The following CNTNAP5 variants were observed in gnomAD, a reference collection of about 807,000 sequenced individuals.
CNTNAP5 encodes the protein contactin associated protein family member 5.
A neutral mutation model predicts 150.2 loss-of-function variants in CNTNAP5; 72 were observed. The ratio of observed to expected loss-of-function variants is 0.48; its 90% CI spans 0.40 to 0.58. The LOEUF (loss-of-function observed/expected upper bound fraction) is 0.58. Ranked by LOEUF, CNTNAP5 falls within the 20% of genes least tolerant of loss-of-function variation. The pLI, the probability that CNTNAP5 is intolerant of heterozygous loss-of-function variation, is 0.00. For synonymous variants in CNTNAP5, 672 were observed against 619.8 expected, an observed-to-expected ratio of 1.08 and a Z score of -1.25; for missense variants, 1,636 against 1,626.2, an observed-to-expected ratio of 1.01 and a Z score of -0.10.
At chr2:124,546,056 G>T (rs906916608) in intron 10 of CNTNAP5, among the ~76,000 whole-genome samples, 4 of 152,072 alleles carry the variant, frequency 2.6e-5, no homozygotes, top group Non-Finnish European at 5.9e-5. Context: ...CAATCCCAGA[G>T]ATTCTGATTA....
In CNTNAP5 at chr2:124,233,466, C is replaced by G. The variant is rs1039181243; in HGVS notation, c.188-8734C>G. 5.3e-5 allele frequency among the ~76,000 whole-genome samples: 8 copies of G among 152,232 alleles called. No homozygotes were observed. The East Asian group carries it at 1.4e-3, about 26-fold the overall frequency. On this transcript the variant is annotated intron_variant, in intron 2 of 23. Coordinates refer to ENST00000682447, the MANE Select transcript of CNTNAP5 (RefSeq NM_001367498.1). ...CACTTCTTAGAGCACTGAAACTCTT[C>G]AAGGATCCAAGACCCAGAATCACCC...
chr2:124,153,704 G>A (rs1004155096), intron 1 of CNTNAP5, among the ~76,000 whole-genome samples: 3 of 146,956 alleles, frequency 2.0e-5, no homozygotes, highest in Admixed American at 6.9e-5. Context: ...CCTCCTCCCA[G>A]GTTCACGCTA....
At position 124,296,816 on chromosome 2, in the gene CNTNAP5, C is replaced by G. The variant is rs144080484; in HGVS notation, c.381+54423C>G. ...ATATATCCAATGTGCAAAAATAGAACAGGAAAAGGATAGCTGCAGTAGGCA... is the reference window on the plus strand; with the variant it reads ...ATATATCCAATGTGCAAAAATAGAAGAGGAAAAGGATAGCTGCAGTAGGCA... On this transcript the variant is annotated intron_variant, in intron 3 of 23. Coordinates refer to ENST00000682447, the MANE Select transcript of CNTNAP5 (RefSeq NM_001367498.1). 8.7e-3 allele frequency among the ~76,000 whole-genome samples: 1,319 copies of G among 152,286 alleles called. 19 individuals are homozygous for G. The highest frequency in any genetic ancestry group is 0.03 in the African/African-American group (1,233 of 41,552).
chr2:124,392,687 CAAAAAAAAAAA>C (rs35107442), intron 3 of CNTNAP5, among the ~76,000 whole-genome samples: 3 of 68,796 alleles, frequency 4.4e-5, no homozygotes, highest in Non-Finnish European at 8.0e-5. Flanking sequence ...TTTTCTTTGC[CAAAAAAAAAAA>C]AAAAAAAAAA....
chr2:124,709,552 G>GAGGA (rs1344888495), intron 13 of CNTNAP5, among the ~76,000 whole-genome samples: 1 of 152,128 alleles, frequency 6.6e-6, no homozygotes, highest in African/African-American at 2.4e-5. Flanking sequence ...AAGAATGCTT[G>GAGGA]AGGAACAGAG....
chr2:124,751,208 A>G (rs1680720598), intron 14 of CNTNAP5, among the ~76,000 whole-genome samples: 1 of 151,914 alleles, frequency 6.6e-6, no homozygotes, highest in Non-Finnish European at 1.5e-5. Flanking sequence ...CTGGTGTACT[A>G]CAAGTAGGGG....
At chr2:124,681,990 T>C (rs1679079691) in intron 13 of CNTNAP5, among the ~76,000 whole-genome samples, 2 of 152,206 alleles carry the variant, frequency 1.3e-5, no homozygotes, top group Non-Finnish European at 2.9e-5. Flanking sequence ...GCTATGTGTC[T>C]TCCTCCCTTT....
chr2:124,812,069 A>T (rs1558785537), intron 19 of CNTNAP5, among the ~76,000 whole-genome samples: 1 of 3,374 alleles, frequency 3.0e-4, no homozygotes, highest in Non-Finnish European at 9.0e-4. Context: ...TATAATATAT[A>T]ATTTATATTT....
intron 11 of CNTNAP5, among the ~76,000 whole-genome samples, chr2:124,576,576 G>A (rs1470205069): frequency 6.6e-6 from 1 of 152,122 alleles, no homozygotes; most frequent in Non-Finnish European, 1.5e-5. Flanking sequence ...ATCACTGGGG[G>A]AATAGTCAAA....
intron 12 of CNTNAP5, among the ~76,000 whole-genome samples, chr2:124,622,575 A>G (rs1355138984): frequency 6.6e-6 from 1 of 152,050 alleles, no homozygotes; most frequent in Non-Finnish European, 1.5e-5. Context: ...GAACTAATTT[A>G]TACTCCCACC....
chr2:124,342,446 A>G (rs1415663007), intron 3 of CNTNAP5, among the ~76,000 whole-genome samples: 1 of 152,174 alleles, frequency 6.6e-6, no homozygotes, highest in Non-Finnish European at 1.5e-5. Context: ...CCGTGTATTC[A>G]TAGTACTAGA....
intron 10 of CNTNAP5, among the ~76,000 whole-genome samples, chr2:124,531,413 C>A (rs537170934): frequency 1.3e-5 from 2 of 152,240 alleles, no homozygotes; most frequent in African/African-American, 4.8e-5. Context: ...GGTTTGAGGA[C>A]CCCTGGTCTA....
At chr2:124,273,420 C>G (rs566235390) in intron 3 of CNTNAP5, among the ~76,000 whole-genome samples, 8 of 152,298 alleles carry the variant, frequency 5.3e-5, no homozygotes, top group Admixed American at 3.9e-4. Context: ...TATCTGCTCT[C>G]GTCCTCATTT....
chr2:124,666,975 C>T (rs1223657275), intron 13 of CNTNAP5, among the ~76,000 whole-genome samples: 3 of 152,066 alleles, frequency 2.0e-5, no homozygotes, highest in Non-Finnish European at 4.4e-5. Context: ...TTACTCTGGA[C>T]ATTAAATACA....
At chr2:124,484,205 A>G (rs1337326195) in intron 7 of CNTNAP5, among the ~76,000 whole-genome samples, 2 of 152,236 alleles carry the variant, frequency 1.3e-5, no homozygotes, top group Admixed American at 6.5e-5. Flanking sequence ...CTTGGCTTGG[A>G]TATGGTAGAT....
intron 1 of CNTNAP5, among the ~76,000 whole-genome samples, chr2:124,169,091 T>A (rs1390869177): frequency 6.6e-6 from 1 of 152,050 alleles, no homozygotes; most frequent in Non-Finnish European, 1.5e-5. Context: ...GCTGCTTCTT[T>A]TTTTTTTGTT....
chr2:124,478,874 A>G (rs1693703750), intron 7 of CNTNAP5, among the ~76,000 whole-genome samples: 1 of 152,218 alleles, frequency 6.6e-6, no homozygotes, highest in Non-Finnish European at 1.5e-5. Context: ...ATGTGTTTCA[A>G]GGCCCACGGA....
chr2:124,291,795 C>T (rs1688301552), intron 3 of CNTNAP5, among the ~76,000 whole-genome samples: 1 of 152,088 alleles, frequency 6.6e-6, no homozygotes, highest in Non-Finnish European at 1.5e-5. Context: ...ACATATTCCT[C>T]GGACAAAACC....
chr2:124,792,506 TTC>T lies in CNTNAP5; in HGVS notation c.2992+2373_2992+2374del, dbSNP rs552223191. Among the ~76,000 whole-genome samples, 51 of 152,292 alleles carry T rather than the reference TTC, an allele frequency of 3.3e-4. 1 individual carries two copies. The highest frequency in any genetic ancestry group is 2.3e-3 in the Admixed American group (35 of 15,294). On this transcript the variant is annotated intron_variant, in intron 18 of 23. Coordinates refer to ENST00000682447, the MANE Select transcript of CNTNAP5 (RefSeq NM_001367498.1). ...ACAGAGCTTTTGTTTTGTGTATTTT[TTC>T]TCTCTCTTTCTATTATCGAGATGTA...
Sources: allele counts gnomAD v4.1 joint callset (sites outside exome capture counted in the v4.1 genomes callset), GRCh38; gene constraint gnomAD v4.1.1; transcripts MANE v1.5; gene names NCBI Gene and HGNC (gene_info 2026-07-23, HGNC 2026-07-21).